MELK: variants seen among roughly 807,000 people sequenced by gnomAD.
MELK encodes maternal embryonic leucine zipper kinase.
In MELK, 81 loss-of-function variants were observed where a neutral mutation model predicts 85.0. That is an observed-to-expected ratio of 0.95 (90% CI 0.80 to 1.15). MELK has a LOEUF of 1.15. Among genes scored for constraint, MELK ranks in the 50% most tolerant of loss-of-function variants. The pLI, the probability that MELK is intolerant of heterozygous loss-of-function variation, is 0.00. For synonymous variants in MELK, 252 were observed against 265.0 expected (o/e 0.95, Z 0.48); for missense variants, 754 against 777.5 (o/e 0.97, Z 0.36).
At chr9:36,616,196 T>G (rs1311069055) in intron 8 of MELK, among the ~76,000 whole-genome samples, 5 of 152,112 alleles carry the variant, frequency 3.3e-5, no homozygotes, top group Non-Finnish European at 1.5e-5. Flanking sequence ...AATTGACCCT[T>G]TGTATATACA....
chr9:36,584,214 C>T (rs1252776399), intron 3 of MELK, among the ~76,000 whole-genome samples: 2 of 151,408 alleles, frequency 1.3e-5, no homozygotes, highest in Non-Finnish European at 2.9e-5. Context: ...ATCGTGTTAG[C>T]CAGGATGGTC....
At chr9:36,659,133 G>A (rs113679440) in intron 13 of MELK, among the ~76,000 whole-genome samples, 4,432 of 151,922 alleles carry the variant, frequency 0.029, 220 homozygotes, top group African/African-American at 0.1. Flanking sequence ...CGCCCGCCTC[G>A]GCCTCCCAAA....
At chr9:36,656,166 AG>A (rs1018337213) in intron 12 of MELK, among the ~76,000 whole-genome samples, 1 of 152,168 alleles carries the variant, frequency 6.6e-6, no homozygotes, top group Non-Finnish European at 1.5e-5. Flanking sequence ...TCCTATCCCT[AG>A]GAGATCCTTC....
At chr9:36,657,495 T>C in intron 13 of MELK, 132 bp downstream of exon 13, 2 of 955,792 alleles carry the variant, frequency 2.1e-6, no homozygotes, top group Non-Finnish European at 3.0e-6. Context: ...TTATGAGCGA[T>C]AACTGGAATA....
At chr9:36,654,464 TC>T (rs1158953208) in intron 12 of MELK, among the ~76,000 whole-genome samples, 1 of 149,536 alleles carries the variant, frequency 6.7e-6, no homozygotes, top group East Asian at 2.0e-4. Flanking sequence ...CAAGTGATTC[TC>T]CTGCCTCATT....
In MELK at chr9:36,651,984, G is replaced by A. The variant is rs577326300; in HGVS notation, c.1053+107G>A. On this transcript the variant is annotated intron_variant, in intron 12 of 17. Transcript: ENST00000298048. ...GGTGTCAAGGAGTCAGAGGCAAGAT[G>A]TTTTATGATTTCAATATTTTTGATG... 7.3e-5 allele frequency: 69 copies of A among 943,110 alleles called. No homozygotes were observed. The East Asian group carries it at 2.7e-3, about 37-fold the overall frequency. The allele number at this position is 943,110 out of a possible 1,614,324, so 58.4% of individuals were successfully genotyped here. A position where few individuals can be genotyped will look rare whatever the true frequency, so the allele number is the denominator to read the frequency against.
intron 15 of MELK, among the ~76,000 whole-genome samples, chr9:36,670,087 C>A (rs1832754406): frequency 6.6e-6 from 1 of 152,132 alleles, no homozygotes; most frequent in African/African-American, 2.4e-5. Flanking sequence ...CCTAGAAAGC[C>A]AACTAACACC....
chr9:36,632,766 G>T (rs1344913121), intron 9 of MELK, among the ~76,000 whole-genome samples: 1 of 152,220 alleles, frequency 6.6e-6, no homozygotes, highest in Non-Finnish European at 1.5e-5. Flanking sequence ...GTGGCTGCTT[G>T]AATGTTTAAT....
intron 6 of MELK, among the ~76,000 whole-genome samples, chr9:36,599,014 G>T (rs1824612427): frequency 6.6e-6 from 1 of 152,162 alleles, no homozygotes; most frequent in Admixed American, 6.6e-5. Flanking sequence ...ATTTTTATCG[G>T]CCAGGCGTGG....
intron 6 of MELK, among the ~76,000 whole-genome samples, chr9:36,598,359 T>C (rs7875139): frequency 0.23 from 34,422 of 151,990 alleles, 6,331 homozygotes; most frequent in African/African-American, 0.51. Context: ...CTAAGGAAAG[T>C]GGGGTTGCCT....
At chr9:36,640,812 C>T (rs112672109) in intron 10 of MELK, among the ~76,000 whole-genome samples, 6 of 152,296 alleles carry the variant, frequency 3.9e-5, no homozygotes, top group African/African-American at 1.4e-4. Flanking sequence ...TTGTGACCTA[C>T]TCACCTCCCA....
At chr9:36,575,237 CCTT>C (rs1377314231) in intron 1 of MELK, among the ~76,000 whole-genome samples, 10 of 152,328 alleles carry the variant, frequency 6.6e-5, no homozygotes, top group Admixed American at 2.0e-4. Flanking sequence ...GGTCTAATTT[CCTT>C]CTTCATTATT....
chr9:36,584,834 C>T (rs2135135127), intron 3 of MELK, among the ~76,000 whole-genome samples: 1 of 151,626 alleles, frequency 6.6e-6, no homozygotes, highest in Non-Finnish European at 1.5e-5. Context: ...CCTCCCACCT[C>T]AGCCTCCTGA....
At chr9:36,651,672 A>T in intron 11 of MELK, 74 bp from the exon 12 acceptor site, 1 of 1,533,892 alleles carries the variant, frequency 6.5e-7, no homozygotes, top group Non-Finnish European at 8.8e-7. Flanking sequence ...CTGAAGAAAA[A>T]AATTAATTAA....
chr9:36,660,288 C>T (rs541370374), intron 13 of MELK, among the ~76,000 whole-genome samples: 7 of 152,222 alleles, frequency 4.6e-5, no homozygotes, highest in East Asian at 1.9e-4. Context: ...CTTACTGCTT[C>T]GGCAGCCACA....
At chr9:36,590,145 C>T (rs1823394236) in intron 4 of MELK, among the ~76,000 whole-genome samples, 1 of 152,014 alleles carries the variant, frequency 6.6e-6, no homozygotes, top group South Asian at 2.1e-4. Flanking sequence ...TGGTCTCAAT[C>T]TCCTGACCTT....
chr9:36,573,636 G>A (rs948374249), intron 1 of MELK, among the ~76,000 whole-genome samples: 2 of 152,134 alleles, frequency 1.3e-5, no homozygotes, highest in African/African-American at 4.8e-5. Context: ...CTCCCGAGTA[G>A]CTGAGCTTAC....
chr9:36,638,105 ATCT>A (rs1290784145), intron 10 of MELK, among the ~76,000 whole-genome samples: 5 of 152,278 alleles, frequency 3.3e-5, no homozygotes, highest in African/African-American at 7.2e-5. Flanking sequence ...GGCTTTGCAC[ATCT>A]TCTCAGCCAT....
chr9:36,576,274 T>C (rs1821636403), intron 1 of MELK, among the ~76,000 whole-genome samples: 1 of 152,192 alleles, frequency 6.6e-6, no homozygotes, highest in Non-Finnish European at 1.5e-5. Context: ...GTTTGCCTAC[T>C]GTGTTCATGC....
Sources: allele counts gnomAD v4.1 joint callset (sites outside exome capture counted in the v4.1 genomes callset), GRCh38; gene constraint gnomAD v4.1.1; transcripts MANE v1.5; gene names NCBI Gene and HGNC (gene_info 2026-07-23, HGNC 2026-07-21).